Variants in SLC29A2 observed in about 807,000 individuals in gnomAD.
The protein encoded by SLC29A2 is solute carrier family 29 member 2.
SLC29A2 carries 37 observed loss-of-function variants against 48.8 expected under a neutral mutation model. That is an observed-to-expected ratio of 0.76 (90% CI 0.58 to 1.00). SLC29A2 has a LOEUF of 1.00. Ranked by LOEUF, SLC29A2 falls within the 50% of genes least tolerant of loss-of-function variation. SLC29A2 has a pLI of 0.00. For missense variants in SLC29A2, 533 were observed against 578.6 expected (o/e 0.92, Z 0.81); for synonymous variants, 233 against 261.7 (o/e 0.89, Z 1.06).
At position 66,366,495 on chromosome 11, in the gene SLC29A2, G is replaced by C. The variant is rs146921129; in HGVS notation, c.803C>G (p.Pro268Arg). ...LTLDLDLEKE[P>R]ESEPDEPQKP... is the part of the protein sequence containing the mutation. ...CTGGGGCTCATCTGGCTCTGATTCC[G>C]GCTCCTTCTCCAGGTCAAGATCCAG... Residue 268 changes from proline (P) to arginine (R), a missense_variant, in exon 8 of 12, where the codon CCG becomes CGG. Coordinates refer to ENST00000357440, the MANE Select transcript of SLC29A2 (RefSeq NM_001532.3). 3 of 1,614,076 alleles carry C rather than the reference G, an allele frequency of 1.9e-6. No homozygotes were observed. Among genetic ancestry groups the C allele is most frequent in the Non-Finnish European group, 2.5e-6 (3 of 1,180,034 alleles).
At position 66,362,741 on chromosome 11, in the gene SLC29A2, T is replaced by A. The variant is rs1482830751; in HGVS notation, c.*695A>T. The A allele has an allele frequency of 6.5e-6, 1 of 153,176 alleles. No homozygotes were observed. Among genetic ancestry groups the A allele is most frequent in the East Asian group, 1.9e-4 (1 of 5,200 alleles). The allele number at this position is 153,176 out of a possible 1,614,324, so 9.5% of individuals were successfully genotyped here. On this transcript the variant is annotated 3_prime_UTR_variant, in exon 12 of 12. Transcript: ENST00000357440. ...CCAGGACTCAGTTTTGTCACCTGTA[T>A]AATGGGGGAAGCACAATCCTTGCCT...
intron 2 of SLC29A2, 98 bp from the exon 3 acceptor site, chr11:66,369,630 T>G (rs1855919093): frequency 6.5e-6 from 9 of 1,376,740 alleles, no homozygotes; most frequent in Non-Finnish European, 9.2e-6. Flanking sequence ...TGTGGGGACT[T>G]GTCTGCCTTG....
At chr11:66,367,727 C>G in intron 6 of SLC29A2, 45 bp downstream of exon 6, 1 of 1,574,876 alleles carries the variant, frequency 6.3e-7, no homozygotes, top group Non-Finnish European at 8.7e-7. Context: ...AGGACTCTAT[C>G]CAAGATGCTT....
In SLC29A2 at chr11:66,363,480, A is replaced by C; in HGVS notation, c.1327T>G (p.Ser443Ala). 6 of 1,614,180 alleles carry C rather than the reference A, an allele frequency of 3.7e-6. No homozygotes were observed. Among genetic ancestry groups the C allele is most frequent in the Non-Finnish European group, 5.1e-6 (6 of 1,180,014 alleles). Residue 443 changes from serine to alanine, a missense_variant, in exon 12 of 12, where the codon TCC becomes GCC. Coordinates refer to ENST00000357440, the MANE Select transcript of SLC29A2 (RefSeq NM_001532.3). ...LMTFFLALGLSCGASLSFLFK... is the reference protein window; with the variant it reads ...LMTFFLALGLACGASLSFLFK... Reference sequence around the variant, plus strand: ...AGGAAGGAGAGGGAGGCTCCACAGGAAAGTCCCAGGGCCAGGAAGAAGGTC... The same window carrying C: ...AGGAAGGAGAGGGAGGCTCCACAGGCAAGTCCCAGGGCCAGGAAGAAGGTC...
intron 10 of SLC29A2, among the ~76,000 whole-genome samples, chr11:66,365,277 CT>C (rs11298226): frequency 0.35 from 53,357 of 151,992 alleles, 10,011 homozygotes; most frequent in African/African-American, 0.48. Context: ...CTGTCACCCC[CT>C]GACCTCCTCT....
upstream of SLC29A2, chr11:66,372,327 A>T (rs2135021501): frequency 6.6e-6 from 1 of 152,378 alleles, no homozygotes; most frequent in South Asian, 2.1e-4. Context: ...AAAAAATTTG[A>T]AAAGACTATA....
In SLC29A2 at chr11:66,362,972, C is replaced by T. The variant is rs1855464711; in HGVS notation, c.*464G>A. 2 of 257,856 alleles carry T rather than the reference C, an allele frequency of 7.8e-6. No homozygotes were observed. Among genetic ancestry groups the T allele is most frequent in the Non-Finnish European group, 1.5e-5 (2 of 129,280 alleles). 16.0% of individuals were successfully genotyped at this position (257,856 alleles called of 1,614,324 possible). A position where few individuals can be genotyped will look rare whatever the true frequency, so the allele number is the denominator to read the frequency against. On this transcript the variant is annotated 3_prime_UTR_variant, in exon 12 of 12. Transcript: ENST00000357440. Reference sequence around the variant, plus strand: ...CTGGCCCTTTGAGCACCCTCAGGTCCTCCACATCTGTTCCTCCTCTCAGGT... The same window carrying T: ...CTGGCCCTTTGAGCACCCTCAGGTCTTCCACATCTGTTCCTCCTCTCAGGT...
At position 66,368,532 on chromosome 11, in the gene SLC29A2, C is replaced by G. The variant is rs750661683; in HGVS notation, c.550+5G>C. The stretch of plus-strand genomic sequence containing the variant: ...CCAGCCCTCCAGCCACCCAAGTGCA[C>G]TCACTGGCCATGGACAGGAGCATGG... On this transcript the variant is annotated splice_donor_5th_base_variant and intron_variant, in intron 5 of 11. Coordinates refer to ENST00000357440, the MANE Select transcript of SLC29A2 (RefSeq NM_001532.3). 1 of 1,613,428 alleles carries G rather than the reference C, an allele frequency of 6.2e-7. No homozygotes were observed. Among genetic ancestry groups the G allele is most frequent in the Non-Finnish European group, 8.5e-7 (1 of 1,179,980 alleles).
intron 10 of SLC29A2, 80 bp from the exon 11 acceptor site, chr11:66,364,504 T>A: frequency 2.7e-3 from 54 of 19,922 alleles, no homozygotes; most frequent in Non-Finnish European, 6.0e-3. Flanking sequence ...CATAGAGTAC[T>A]TTTTTTTTTT....
chr11:66,364,943 G>GT (rs1855592758), intron 10 of SLC29A2: 1 of 153,668 alleles, frequency 6.5e-6, no homozygotes. Flanking sequence ...GATTTTAGGG[G>GT]TTTTTTTGTT....
chr11:66,367,909 C>A, intron 5 of SLC29A2, 40 bp from the exon 6 acceptor site: 1 of 1,542,478 alleles, frequency 6.5e-7, no homozygotes, highest in South Asian at 1.1e-5. Context: ...GGCACCTGGT[C>A]CCGCCGGCTC....
At position 66,366,133 on chromosome 11, in the gene SLC29A2, C is replaced by T. The variant is rs762209962; in HGVS notation, c.966G>A (p.Gly322=). ...TAMVTSSTSP[G]KWSQFFNPIC... ...CTCCACCCTGACACTCACTCCACTT[C>T]CCAGGACTGGTGGAGCTGGTCACCA... is the stretch of plus-strand genomic sequence containing the variant. Residue 322 remains glycine, a synonymous_variant, in exon 9 of 12, where the codon GGG becomes GGA. Transcript: ENST00000357440. The T allele has an allele frequency of 2.5e-6, 4 of 1,613,742 alleles. No homozygotes were observed. In the South Asian group the frequency reaches 3.3e-5, roughly 13 times the overall value.
intron 10 of SLC29A2, 83 bp downstream of exon 10, chr11:66,365,853 A>G: frequency 7.4e-7 from 1 of 1,352,134 alleles, no homozygotes; most frequent in East Asian, 2.3e-5. Flanking sequence ...GGACTACCAG[A>G]AAATCACCTC....
intron 2 of SLC29A2, among the ~76,000 whole-genome samples, chr11:66,370,227 TCTC>T (rs1394570434): frequency 2.6e-5 from 4 of 152,106 alleles, no homozygotes; most frequent in Non-Finnish European, 4.4e-5. Flanking sequence ...AATTTACAAA[TCTC>T]CTCTTCCATG....
Position 66,371,634 on chromosome 11 carries a change from G to GCCGCAC in SLC29A2, c.-49_-44dup. ...CGCCTGGGGTGAAAGGGGCAGAGAAGCCGCACCTGCACCTGCGCTGGGGCG... is the reference window on the plus strand; with the variant it reads ...CGCCTGGGGTGAAAGGGGCAGAGAAGCCGCACCCGCACCTGCACCTGCGCTGGGGCG... On this transcript the variant is annotated 5_prime_UTR_variant, in exon 1 of 12. Transcript: ENST00000357440. 3 of 1,535,796 alleles carry GCCGCAC rather than the reference G, an allele frequency of 2.0e-6. No individual in the cohort carries two copies. The highest frequency in any genetic ancestry group is 2.6e-6 in the Non-Finnish European group (3 of 1,145,458).
rs891565741 is a variant in SLC29A2, at chr11:66,364,239, C to T, written c.1245G>A (p.Met415Ile). 1 of 1,611,924 alleles carries T rather than the reference C, an allele frequency of 6.2e-7. No homozygotes were observed. Among genetic ancestry groups the T allele is most frequent in the South Asian group, 1.1e-5 (1 of 90,646 alleles). ...TTGCCCCGGACCTGGGCGCCAGGCA[C>T]ATGGTGAGGGACACCAGGTAGCCAT... Reference protein sequence around the residue: ...VSNGYLVSLTMCLAPRQVLPH... With the variant: ...VSNGYLVSLTICLAPRQVLPH... The change falls in exon 11 of 12, where the codon ATG becomes ATA. Residue 415 changes from methionine to isoleucine, a missense_variant. By Grantham distance (10) the Met-to-Ile change is conservative (BLOSUM62 1). Transcript: ENST00000357440.
rs764592046 is a variant in SLC29A2, at chr11:66,368,608, C to G, written c.479G>C (p.Ser160Thr). ...GQLGTMPSTYSTLFLSGQGLA... is the reference protein window; with the variant it reads ...GQLGTMPSTYTTLFLSGQGLA... ...GCCCTGGCCGCTGAGGAAGAGGGTG[C>G]TGTAGGTGGAGGGCATGGTGCCCAG... The change falls in exon 5 of 12, where the codon AGC becomes ACC. Residue 160 changes from serine (S) to threonine (T), a missense_variant. By Grantham distance (58) the Ser-to-Thr change is moderately conservative (BLOSUM62 1). Transcript: ENST00000357440. The G allele has an allele frequency of 1.0e-4, 162 of 1,608,156 alleles. No homozygotes were observed. The highest frequency in any genetic ancestry group is 2.9e-4 in the Admixed American group (17 of 58,990).
chr11:66,363,584 T>C, intron 11 of SLC29A2, 37 bp from the exon 12 acceptor site: 2 of 1,517,410 alleles, frequency 1.3e-6, no homozygotes, highest in Non-Finnish European at 1.8e-6. Flanking sequence ...TAGAAAATGC[T>C]GGGTCTAAAT....
intron 10 of SLC29A2, among the ~76,000 whole-genome samples, chr11:66,365,576 A>T (rs777720474): frequency 3.9e-5 from 6 of 152,188 alleles, no homozygotes; most frequent in African/African-American, 7.2e-5. Flanking sequence ...TGCGTTATGT[A>T]TTGTCTCTTT....
Sources: allele counts gnomAD v4.1 joint callset (sites outside exome capture counted in the v4.1 genomes callset), GRCh38; gene constraint gnomAD v4.1.1; transcripts MANE v1.5; gene names NCBI Gene and HGNC (gene_info 2026-07-23, HGNC 2026-07-21).